Variants in ADAM9 observed in about 807,000 individuals in gnomAD.
ADAM9 encodes disintegrin and metalloproteinase domain-containing protein 9.
A neutral mutation model predicts 108.1 loss-of-function variants in ADAM9; 54 were observed. The observed-to-expected ratio is 0.50, with a 90% CI of 0.40 to 0.63. The LOEUF is 0.63. ADAM9 is among the 20% of genes least tolerant of loss of function. ADAM9 has a pLI of 0.00. For synonymous variants in ADAM9, 316 were observed against 336.0 expected (o/e 0.94, Z 0.65); for missense variants, 830 against 997.7 (o/e 0.83, Z 2.26).
At chr8:39,091,676 G>T (rs1025435483) in intron 20 of ADAM9, among the ~76,000 whole-genome samples, 1 of 152,010 alleles carries the variant, frequency 6.6e-6, no homozygotes, top group Non-Finnish European at 1.5e-5. Context: ...TCATAGAGAC[G>T]GGGTCTCACC....
chr8:39,050,702 A>G (rs1218806458), intron 12 of ADAM9, among the ~76,000 whole-genome samples: 2 of 152,120 alleles, frequency 1.3e-5, no homozygotes, highest in Non-Finnish European at 2.9e-5. Flanking sequence ...CAGTGTCTAC[A>G]ATATGCTGGA....
chr8:39,003,590 A>G (rs909290757), intron 1 of ADAM9, among the ~76,000 whole-genome samples: 7 of 152,036 alleles, frequency 4.6e-5, no homozygotes, highest in South Asian at 2.1e-4. Context: ...GAATTTTGGG[A>G]AAAAAACATG....
At chr8:39,023,123 AT>A (rs1836800252) in intron 8 of ADAM9, 32 bp from the exon 9 acceptor site, 1 of 1,568,208 alleles carries the variant, frequency 6.4e-7, no homozygotes, top group South Asian at 1.1e-5. Context: ...GTTCTTTACT[AT>A]ATTTTATATA....
chr8:39,081,414 A>G (rs13274567), intron 16 of ADAM9, among the ~76,000 whole-genome samples: 35,951 of 152,188 alleles, frequency 0.24, 4,561 homozygotes, highest in South Asian at 0.31. Context: ...TTAACACTTC[A>G]GGTGTCCGCT....
At chr8:39,000,109 TC>T (rs1460253316) in intron 1 of ADAM9, among the ~76,000 whole-genome samples, 2 of 150,880 alleles carry the variant, frequency 1.3e-5, no homozygotes, top group Admixed American at 1.3e-4. Flanking sequence ...ACTGCAACCT[TC>T]ACCTCCCGAG....
intron 11 of ADAM9, among the ~76,000 whole-genome samples, chr8:39,031,051 T>C (rs1837080688): frequency 6.6e-6 from 1 of 152,230 alleles, no homozygotes; most frequent in African/African-American, 2.4e-5. Context: ...TCTTTTAATA[T>C]TGTCTTTCAC....
At chr8:39,057,427 G>A (rs1000459201) in intron 14 of ADAM9, among the ~76,000 whole-genome samples, 1 of 150,988 alleles carries the variant, frequency 6.6e-6, no homozygotes, top group Non-Finnish European at 1.5e-5. Context: ...TCTCCTGGAG[G>A]AATCTGATAT....
chr8:39,021,675 G>A lies in ADAM9; in HGVS notation c.705G>A (p.Val235=), dbSNP rs1836745020. The change falls in exon 8 of 22, where the codon GTG becomes GTA. Residue 235 remains valine, a synonymous_variant. Coordinates refer to ENST00000487273, the MANE Select transcript of ADAM9 (RefSeq NM_003816.3). ...YDMMGRNQTA[V]REEMILLANY... is the part of the protein sequence containing the mutation. ...TGATGGGAAGAAATCAGACTGCTGT[G>A]AGAGAAGAGATGATTCTCCTGGCAA... is the stretch of plus-strand genomic sequence containing the variant. The A allele has an allele frequency of 6.2e-7, 1 of 1,613,920 alleles. No homozygotes were observed. Among genetic ancestry groups the A allele is most frequent in the African/African-American group, 1.3e-5 (1 of 74,916 alleles).
rs1052277853 is a variant in ADAM9 at position 39,104,596 on chromosome 8, T to C, written c.*896T>C. 3 of 418,748 alleles carry C rather than the reference T, an allele frequency of 7.2e-6. No individual in the cohort carries two copies. Among genetic ancestry groups the C allele is most frequent in the African/African-American group, 6.2e-5 (3 of 48,128 alleles). 25.9% of individuals were successfully genotyped at this position (418,748 alleles called of 1,614,324 possible). On this transcript the variant is annotated 3_prime_UTR_variant, in exon 22 of 22. Coordinates refer to ENST00000487273, the MANE Select transcript of ADAM9 (RefSeq NM_003816.3). ...TTTACAAAACCACTTGAGAATTTCATGAGCACTTTAAAATCTGAACTTTCA... is the reference window on the plus strand; with the variant it reads ...TTTACAAAACCACTTGAGAATTTCACGAGCACTTTAAAATCTGAACTTTCA...
intron 11 of ADAM9, among the ~76,000 whole-genome samples, chr8:39,029,742 G>C (rs1837041371): frequency 6.6e-6 from 1 of 152,004 alleles, no homozygotes; most frequent in Non-Finnish European, 1.5e-5. Context: ...TTGGTCGGAG[G>C]GCCTGATGTT....
chr8:39,103,964 G>GCAC lies in ADAM9; in HGVS notation c.*265_*267dup. The GCAC allele has an allele frequency of 1.6e-6, 1 of 619,996 alleles. No homozygotes were observed. Among genetic ancestry groups the GCAC allele is most frequent in the East Asian group, 3.4e-5 (1 of 29,686 alleles). The allele number at this position is 619,996 out of a possible 1,614,324, so 38.4% of individuals were successfully genotyped here. Reference sequence around the variant, plus strand: ...TTATTCAGTCATCGGTGAGGTTAATGCACTAATCATGGATTTTTTGAACAT... The same window carrying GCAC: ...TTATTCAGTCATCGGTGAGGTTAATGCACCACTAATCATGGATTTTTTGAACAT... On this transcript the variant is annotated 3_prime_UTR_variant, in exon 22 of 22. Transcript: ENST00000487273.
At chr8:39,044,645 G>C (rs1837557168) in intron 12 of ADAM9, among the ~76,000 whole-genome samples, 1 of 150,646 alleles carries the variant, frequency 6.6e-6, no homozygotes, top group African/African-American at 2.5e-5. Flanking sequence ...TCCTCTTTTG[G>C]AGTTACCCAG....
chr8:39,045,150 A>C (rs200692015), intron 12 of ADAM9, among the ~76,000 whole-genome samples: 1 of 106,872 alleles, frequency 9.4e-6, no homozygotes, highest in South Asian at 3.3e-4. Flanking sequence ...ATGTGTATAT[A>C]TGTGTATACA....
chr8:39,014,398 A>C, intron 4 of ADAM9: 1 of 566,668 alleles, frequency 1.8e-6, no homozygotes, highest in Non-Finnish European at 3.1e-6. Flanking sequence ...AAAACATTTA[A>C]TTTGTCAGTG....
In ADAM9 at chr8:39,104,418, A is replaced by T. The variant is rs1346149946; in HGVS notation, c.*718A>T. 2 of 432,018 alleles carry T rather than the reference A, an allele frequency of 4.6e-6. No homozygotes were observed. The highest frequency in any genetic ancestry group is 4.1e-5 in the African/African-American group (2 of 49,238). The allele number at this position is 432,018 out of a possible 1,614,324, so 26.8% of individuals were successfully genotyped here. ...TTTAATATTAGAATTTCTATTATGAATCATGTGAAAGCATGACATTCGTTC... is the reference window on the plus strand; with the variant it reads ...TTTAATATTAGAATTTCTATTATGATTCATGTGAAAGCATGACATTCGTTC... On this transcript the variant is annotated 3_prime_UTR_variant, in exon 22 of 22. Transcript: ENST00000487273.
At chr8:39,006,035 TG>T (rs1836150326) in intron 1 of ADAM9, among the ~76,000 whole-genome samples, 1 of 152,226 alleles carries the variant, frequency 6.6e-6, no homozygotes, top group Admixed American at 6.5e-5. Flanking sequence ...TTGACACACC[TG>T]GGACTGTAGA....
chr8:39,064,959 G>T (rs1490554820), intron 14 of ADAM9, among the ~76,000 whole-genome samples: 1 of 152,104 alleles, frequency 6.6e-6, no homozygotes, highest in Non-Finnish European at 1.5e-5. Context: ...AAAAAGCTTG[G>T]AGAATGACCT....
Position 39,104,105 on chromosome 8 carries a change from CAT to C in ADAM9, c.*406_*407del, listed in dbSNP as rs1323287334. On this transcript the variant is annotated 3_prime_UTR_variant, in exon 22 of 22. Transcript: ENST00000487273. ...ATCATTAATGTAGTTCCTCATTGAA[CAT>C]GTGATAATCTAATACCTGTGAAAAC... 2.6e-5 allele frequency: 12 copies of C among 456,772 alleles called. No individual in the cohort carries two copies. The highest frequency in any genetic ancestry group is 5.2e-5 in the Non-Finnish European group (12 of 228,830). 28.3% of individuals were successfully genotyped at this position (456,772 alleles called of 1,614,324 possible).
intron 6 of ADAM9, among the ~76,000 whole-genome samples, chr8:39,017,732 C>A (rs1836587287): frequency 6.6e-6 from 1 of 152,140 alleles, no homozygotes; most frequent in Non-Finnish European, 1.5e-5. Flanking sequence ...TGCTACAGGT[C>A]TGTGCCACCC....
Sources: gnomAD v4.1 joint callset for allele counts (sites outside exome capture counted in the v4.1 genomes callset) on GRCh38, gnomAD v4.1.1 for gene constraint, MANE v1.5 for transcripts, NCBI Gene and HGNC (gene_info 2026-07-23, HGNC 2026-07-21) for gene names.